LMX1A: variants seen among roughly 807,000 people sequenced by gnomAD.
LMX1A encodes LIM homeobox transcription factor 1-alpha.
LMX1A carries 15 observed loss-of-function variants against 49.1 expected under a neutral mutation model. The observed-to-expected ratio is 0.31, with a 90% CI of 0.20 to 0.47. The LOEUF (loss-of-function observed/expected upper bound fraction) is 0.47, where lower values mean the gene tolerates loss of function less well. LMX1A is among the 20% of genes least tolerant of loss of function. The pLI is 1.00. For synonymous variants in LMX1A, 167 were observed against 185.7 expected (o/e 0.90, Z 0.82); for missense variants, 372 against 475.8 (o/e 0.78, Z 2.03).
chr1:165,338,538 C>G (rs567032074), intron 3 of LMX1A, among the ~76,000 whole-genome samples: 1 of 152,176 alleles, frequency 6.6e-6, no homozygotes, highest in Non-Finnish European at 1.5e-5. Flanking sequence ...TCATTTGGCC[C>G]TTGCTCTTAA....
At chr1:165,218,620 T>C (rs1651724565) in intron 4 of LMX1A, 2 of 152,286 alleles carry the variant, frequency 1.3e-5, no homozygotes, top group Non-Finnish European at 2.9e-5. Flanking sequence ...GACTTGGATA[T>C]CAGCTTCTCC....
chr1:165,220,926 A>G (rs1472975083), intron 4 of LMX1A, among the ~76,000 whole-genome samples: 4 of 152,178 alleles, frequency 2.6e-5, no homozygotes, highest in African/African-American at 9.7e-5. Flanking sequence ...TTCTTCATCT[A>G]TGAGATGAAT....
chr1:165,285,619 C>A (rs1302508795), intron 3 of LMX1A, among the ~76,000 whole-genome samples: 1 of 152,194 alleles, frequency 6.6e-6, no homozygotes, highest in Non-Finnish European at 1.5e-5. Context: ...TGAGGACCAG[C>A]TGTTCACCAT....
chr1:165,330,525 T>C (rs916013025), intron 3 of LMX1A, among the ~76,000 whole-genome samples: 3 of 152,172 alleles, frequency 2.0e-5, no homozygotes, highest in South Asian at 2.1e-4. Context: ...AATGGCTGAG[T>C]AGCTCCTATG....
rs145134204 is a variant in LMX1A at position 165,255,968 on chromosome 1, G to A, written c.264-6328C>T. Among the ~76,000 whole-genome samples the A allele has an allele frequency of 3.4e-3, 512 of 150,732 alleles. 3 individuals are homozygous for A. Among genetic ancestry groups the A allele is most frequent in the South Asian group, 9.0e-3 (43 of 4,780 alleles). On this transcript the variant is annotated intron_variant, in intron 3 of 8. Coordinates refer to ENST00000342310, the MANE Select transcript of LMX1A (RefSeq NM_177398.4). ...AGCCTGGCAACAAGAGCGAAACTCC[G>A]TCTCAAAAAAAAAAAAGAATGTTGT...
At chr1:165,322,618 A>G (rs1469373114) in intron 3 of LMX1A, among the ~76,000 whole-genome samples, 1 of 152,204 alleles carries the variant, frequency 6.6e-6, no homozygotes, top group African/African-American at 2.4e-5. Context: ...TGAAATATCC[A>G]GAATAGGCAA....
At chr1:165,294,270 C>T (rs1471405073) in intron 3 of LMX1A, among the ~76,000 whole-genome samples, 10 of 152,254 alleles carry the variant, frequency 6.6e-5, no homozygotes, top group African/African-American at 2.4e-4. Context: ...GAACCACTCA[C>T]ACACAGTATT....
intron 6 of LMX1A, among the ~76,000 whole-genome samples, chr1:165,209,799 G>T (rs749130087): frequency 6.6e-6 from 1 of 152,342 alleles, no homozygotes; most frequent in Admixed American, 6.5e-5. Flanking sequence ...AATCCAAGGG[G>T]TGGGGTCACT....
chr1:165,260,982 G>A (rs961634171), intron 3 of LMX1A, among the ~76,000 whole-genome samples: 1 of 152,184 alleles, frequency 6.6e-6, no homozygotes, highest in Non-Finnish European at 1.5e-5. Flanking sequence ...GTCAAATTCT[G>A]TGATCTTATT....
intron 4 of LMX1A, among the ~76,000 whole-genome samples, chr1:165,224,259 C>T (rs1248833065): frequency 2.0e-5 from 3 of 152,180 alleles, no homozygotes; most frequent in Non-Finnish European, 2.9e-5. Flanking sequence ...CAAGCAGATG[C>T]CTCCATGCTT....
intron 3 of LMX1A, among the ~76,000 whole-genome samples, chr1:165,252,756 G>A (rs1653105201): frequency 6.6e-6 from 1 of 152,180 alleles, no homozygotes; most frequent in Non-Finnish European, 1.5e-5. Flanking sequence ...GATATGAGCT[G>A]ACTCAGAGCC....
intron 3 of LMX1A, among the ~76,000 whole-genome samples, chr1:165,269,333 A>C (rs767225836): frequency 7.9e-5 from 12 of 152,218 alleles, no homozygotes; most frequent in African/African-American, 2.9e-4. Flanking sequence ...AAACTAATAG[A>C]ATAAATGCAG....
intron 6 of LMX1A, among the ~76,000 whole-genome samples, chr1:165,208,541 CCT>C (rs1335812830): frequency 6.6e-6 from 1 of 152,220 alleles, no homozygotes; most frequent in African/African-American, 2.4e-5. Flanking sequence ...TTTCCTCCTC[CCT>C]GTCTGCTGGC....
chr1:165,257,531 G>A (rs1411676305), intron 3 of LMX1A, among the ~76,000 whole-genome samples: 1 of 152,172 alleles, frequency 6.6e-6, no homozygotes, highest in Non-Finnish European at 1.5e-5. Context: ...CTCTATGGAT[G>A]TGGGTTAGGA....
chr1:165,205,754 TC>T, intron 8 of LMX1A, 109 bp downstream of exon 8: 1 of 1,022,866 alleles, frequency 9.8e-7, no homozygotes, highest in South Asian at 1.6e-5. Flanking sequence ...GGCACATTAT[TC>T]TGCTTTGGAA....
chr1:165,307,870 GAAC>G (rs1431743798), intron 3 of LMX1A, among the ~76,000 whole-genome samples: 2 of 152,166 alleles, frequency 1.3e-5, no homozygotes, highest in African/African-American at 2.4e-5. Context: ...AACAGTTCCT[GAAC>G]AACAACACAT....
Position 165,355,432 on chromosome 1 carries a change from C to A in LMX1A, c.76+52G>T. 1 of 1,582,758 alleles carries A rather than the reference C, an allele frequency of 6.3e-7. No individual in the cohort carries two copies. The highest frequency in any genetic ancestry group is 8.7e-7 in the Non-Finnish European group (1 of 1,154,504). ...TCCCAGAGAGCGGGGCTCCAGAGCT[C>A]AGCGCCAAGCGGAAAGAGAGTGCGC... On this transcript the variant is annotated intron_variant, in intron 2 of 8. Transcript: ENST00000342310. This position sits in a 1 kb window ranked among gnomAD's most constrained non-coding sequence, Gnocchi z 4.7.
rs936496159 is a variant in LMX1A, at chr1:165,208,193, AG to A, written c.748-62del. ...TGGCCTGCAGCATGTTCACAAAGTA[AG>A]GGGGGGCCTGGAAGTGACACCTTCC... On this transcript the variant is annotated intron_variant, in intron 6 of 8. Transcript: ENST00000342310. 52 of 1,503,172 alleles carry A rather than the reference AG, an allele frequency of 3.5e-5. No homozygotes were observed. The South Asian group carries it at 3.5e-4, about 10-fold the overall frequency. 93.1% of individuals were successfully genotyped at this position (1,503,172 alleles called of 1,614,324 possible). A position where few individuals can be genotyped will look rare whatever the true frequency, so the allele number is the denominator to read the frequency against.
At chr1:165,217,556 T>A (rs944315856) in intron 4 of LMX1A, among the ~76,000 whole-genome samples, 3 of 152,226 alleles carry the variant, frequency 2.0e-5, no homozygotes, top group Non-Finnish European at 2.9e-5. Flanking sequence ...GACGAGGGAT[T>A]GGTTCCAGGA....
Sources: allele counts gnomAD v4.1 joint callset (sites outside exome capture counted in the v4.1 genomes callset), GRCh38; gene constraint gnomAD v4.1.1; non-coding constraint Gnocchi (gnomAD v3.1); transcripts MANE v1.5; gene names NCBI Gene and HGNC (gene_info 2026-07-23, HGNC 2026-07-21).